The following TANC1 variants were observed in gnomAD, a reference collection of about 807,000 sequenced individuals.
TANC1 encodes protein TANC1.
In TANC1, 77 loss-of-function variants were observed where a neutral mutation model predicts 149.7. The observed-to-expected ratio is 0.51, with a 90% CI of 0.43 to 0.62. The LOEUF (loss-of-function observed/expected upper bound fraction) is 0.62, where lower values mean the gene tolerates loss of function less well. Among genes scored for constraint, TANC1 ranks in the 20% least tolerant of loss-of-function variants. The probability of loss-of-function intolerance (pLI) is 0.00; values close to 1 mark genes in which losing one functional copy is unlikely to be tolerated. For synonymous variants in TANC1, 854 were observed against 925.0 expected (o/e 0.92, Z 1.39); for missense variants, 1,985 against 2,321.8 (o/e 0.85, Z 2.98).
At position 159,230,894 on chromosome 2, in the gene TANC1, T is replaced by A; in HGVS notation, c.5468T>A (p.Val1823Asp). The A allele has an allele frequency of 6.2e-7, 1 of 1,614,162 alleles. No individual in the cohort carries two copies. The highest frequency in any genetic ancestry group is 1.1e-5 in the South Asian group (1 of 91,084). The change falls in exon 27 of 27, where the codon GTT becomes GAT. Residue 1823 changes from valine to aspartate, a missense_variant. Val to Asp is a radical substitution (Grantham distance 152). Coordinates refer to ENST00000263635, the MANE Select transcript of TANC1 (RefSeq NM_033394.3). This position sits in a 1 kb window ranked among gnomAD's most constrained non-coding sequence, Gnocchi z 4.4. ...HSQENRITKT[V>D]SHLYQESISK... The stretch of plus-strand genomic sequence containing the variant: ...CAAGAGAACAGGATAACTAAGACTG[T>A]TTCTCATCTGTACCAGGAAAGTATC...
intron 22 of TANC1, 149 bp downstream of exon 22, chr2:159,220,016 G>C (rs183533436): frequency 8.4e-4 from 587 of 695,078 alleles, no homozygotes; most frequent in Non-Finnish European, 1.3e-3. Flanking sequence ...GTGTGTGTGT[G>C]TGTGTCTTGT....
rs765633499 is a variant in TANC1 at position 159,174,955 on chromosome 2, G to T, written c.1506G>T (p.Val502=). 3.1e-6 allele frequency: 5 copies of T among 1,613,488 alleles called. No homozygotes were observed. The highest frequency in any genetic ancestry group is 1.6e-4 in the Middle Eastern group (1 of 6,082). The change falls in exon 12 of 27, where the codon GTG becomes GTT. Residue 502 remains valine, a splice_region_variant and synonymous_variant. Coordinates refer to ENST00000263635, the MANE Select transcript of TANC1 (RefSeq NM_033394.3). ...EDAVKYLASK[V]VAYHYCQADN... is the part of the protein sequence containing the mutation. ...CTGACGGTTCTGCTTCCCCCTAGGT[G>T]GTGGCCTACCACTACTGCCAGGCTG...
At chr2:159,224,454 G>A (rs976683447) in intron 23 of TANC1, 90 bp downstream of exon 23, 1 of 1,465,854 alleles carries the variant, frequency 6.8e-7, no homozygotes, top group Admixed American at 1.8e-5. Context: ...CTGCTCCCAG[G>A]TTAGGAAGTA....
chr2:159,181,533 G>A (rs751917177), intron 14 of TANC1, among the ~76,000 whole-genome samples: 50 of 152,236 alleles, frequency 3.3e-4, no homozygotes, highest in Non-Finnish European at 4.9e-4. Flanking sequence ...TCCTGACCTC[G>A]TGATCCGCCC....
At chr2:159,193,757 G>A (rs528697485) in intron 16 of TANC1, among the ~76,000 whole-genome samples, 30 of 152,284 alleles carry the variant, frequency 2.0e-4, no homozygotes, top group Admixed American at 1.6e-3. Flanking sequence ...TCTTGACCTC[G>A]TGATCCACCC....
intron 4 of TANC1, among the ~76,000 whole-genome samples, chr2:159,120,638 T>G (rs1277692094): frequency 6.6e-6 from 1 of 152,322 alleles, no homozygotes; most frequent in African/African-American, 2.4e-5. Context: ...CTAAAAATTA[T>G]GTATTTCAGG....
chr2:159,228,698 C>A, intron 25 of TANC1, 98 bp from the exon 26 acceptor site: 1 of 793,354 alleles, frequency 1.3e-6, no homozygotes, highest in Non-Finnish European at 2.2e-6. Context: ...TCTGGCTGTG[C>A]CTCAGAGCGC....
chr2:158,974,384 ATC>A (rs757461553), intron 1 of TANC1, among the ~76,000 whole-genome samples: 9 of 152,236 alleles, frequency 5.9e-5, no homozygotes, highest in Non-Finnish European at 1.2e-4. Context: ...CTTATTAAAA[ATC>A]ATGTATTATT....
intron 3 of TANC1, among the ~76,000 whole-genome samples, chr2:159,073,072 A>G (rs558278602): frequency 1.5e-4 from 23 of 152,344 alleles, no homozygotes; most frequent in African/African-American, 5.1e-4. Flanking sequence ...TTAAACTGAA[A>G]GGCTTTTCTC....
rs2046882046 is a variant in TANC1 at position 159,102,940 on chromosome 2, G to A, written c.259+5106G>A. 3.5e-5 allele frequency among the ~76,000 whole-genome samples: 3 copies of A among 86,628 alleles called. 1 individual carries two copies. Among genetic ancestry groups the A allele is most frequent in the Admixed American group, 2.5e-4 (2 of 7,948 alleles). 56.8% of individuals were successfully genotyped at this position (86,628 alleles called of 152,430 possible). On this transcript the variant is annotated intron_variant, in intron 4 of 26. Transcript: ENST00000263635. ...TCACCGTGTTAGCCAGGATGGTCTCGATCTCCTGATCCCACGATCCGCCCA... is the reference window on the plus strand; with the variant it reads ...TCACCGTGTTAGCCAGGATGGTCTCAATCTCCTGATCCCACGATCCGCCCA...
At position 159,230,274 on chromosome 2, in the gene TANC1, T is replaced by C; in HGVS notation, c.4848T>C (p.Pro1616=). ...GCCTGCAGTGTGGTGAGAATGGCCC[T>C]GCACACCCTTTACCAAGTAAGACGA... ...NVRLQCGENG[P]AHPLPSKTKT... The change falls in exon 27 of 27, where the codon CCT becomes CCC. Residue 1616 remains proline, a synonymous_variant. Coordinates refer to ENST00000263635, the MANE Select transcript of TANC1 (RefSeq NM_033394.3). The surrounding 1 kb of genome is among the most constrained non-coding windows in gnomAD (Gnocchi z 4.4). 2 of 1,614,040 alleles carry C rather than the reference T, an allele frequency of 1.2e-6. No homozygotes were observed. Among genetic ancestry groups the C allele is most frequent in the Non-Finnish European group, 8.5e-7 (1 of 1,180,046 alleles).
intron 4 of TANC1, among the ~76,000 whole-genome samples, chr2:159,123,309 G>C (rs2049047623): frequency 6.6e-6 from 1 of 152,174 alleles, no homozygotes; most frequent in Non-Finnish European, 1.5e-5. Flanking sequence ...ATTTGTTGGA[G>C]AAGGCTGGGA....
At chr2:159,165,337 C>T (rs1269547981) in intron 8 of TANC1, among the ~76,000 whole-genome samples, 1 of 152,216 alleles carries the variant, frequency 6.6e-6, no homozygotes, top group Admixed American at 6.5e-5. Context: ...AGCTAGACCT[C>T]CTGTGGAATG....
intron 3 of TANC1, among the ~76,000 whole-genome samples, chr2:159,071,068 C>G (rs2149723057): frequency 6.6e-6 from 1 of 152,328 alleles, no homozygotes. Flanking sequence ...CTCTTGCTCT[C>G]TAGAGAAGGC....
intron 4 of TANC1, among the ~76,000 whole-genome samples, chr2:159,132,655 A>ATTTT (rs35719354): frequency 2.4e-5 from 3 of 127,258 alleles, no homozygotes; most frequent in African/African-American, 6.0e-5. Flanking sequence ...CACCCAGCTA[A>ATTTT]TTTTTTTTTT....
At chr2:159,007,921 CA>C (rs2037379738) in intron 2 of TANC1, among the ~76,000 whole-genome samples, 1 of 152,174 alleles carries the variant, frequency 6.6e-6, no homozygotes, top group Non-Finnish European at 1.5e-5. Context: ...GTGGGGCGCT[CA>C]CCCTTATTGT....
chr2:159,216,534 C>A (rs555706207), intron 19 of TANC1, among the ~76,000 whole-genome samples: 456 of 152,228 alleles, frequency 3.0e-3, no homozygotes, highest in African/African-American at 0.01. Flanking sequence ...ATGATTCTTG[C>A]GATGAGCAGA....
chr2:159,017,345 T>C (rs946684645), intron 2 of TANC1, among the ~76,000 whole-genome samples: 5 of 152,190 alleles, frequency 3.3e-5, no homozygotes, highest in Non-Finnish European at 7.3e-5. Flanking sequence ...GAATTACCAA[T>C]AGTATTTTAA....
chr2:159,171,877 A>AAAAGG (rs2055281460), intron 10 of TANC1, among the ~76,000 whole-genome samples: 1 of 49,876 alleles, frequency 2.0e-5, no homozygotes, highest in Admixed American at 2.0e-4. Flanking sequence ...AAAAAAAAAG[A>AAAAGG]AAAAGAAAAA....
Sources: allele counts gnomAD v4.1 joint callset (sites outside exome capture counted in the v4.1 genomes callset), GRCh38; gene constraint gnomAD v4.1.1; non-coding constraint Gnocchi (gnomAD v3.1); transcripts MANE v1.5; gene names NCBI Gene and HGNC (gene_info 2026-07-23, HGNC 2026-07-21).